Variants in RAD54L2 observed in about 807,000 individuals in gnomAD.
RAD54L2 encodes the protein helicase ARIP4.
RAD54L2 carries 27 observed loss-of-function variants against 138.4 expected under a neutral mutation model. The observed-to-expected ratio is 0.20, with a 90% CI of 0.14 to 0.27. RAD54L2 has a LOEUF of 0.27. Ranked by LOEUF, RAD54L2 falls within the 10% of genes least tolerant of loss-of-function variation. The pLI, the probability that RAD54L2 is intolerant of heterozygous loss-of-function variation, is 1.00. For missense variants in RAD54L2, 1,396 were observed against 1,890.2 expected (o/e 0.74, Z 4.85); for synonymous variants, 644 against 723.2 (o/e 0.89, Z 1.76).
chr3:51,558,592 T>C (rs1699027535), intron 2 of RAD54L2, among the ~76,000 whole-genome samples: 1 of 151,852 alleles, frequency 6.6e-6, no homozygotes, highest in African/African-American at 2.4e-5. Context: ...CACCTTAGCC[T>C]CCCAAGTAGC....
chr3:51,633,991 C>A lies in RAD54L2; in HGVS notation c.1098C>A (p.Val366=). Residue 366 remains valine, a synonymous_variant, in exon 9 of 23, where the codon GTC becomes GTA. Transcript: ENST00000684192. ...ALPADNKPEE[V]QPRFFKVHIL... ...CGGCTGACAACAAGCCTGAAGAAGT[C>A]CAGCCTCGGTTCTTTAAAGTTCACA... 2 of 1,613,954 alleles carry A rather than the reference C, an allele frequency of 1.2e-6. No homozygotes were observed. The highest frequency in any genetic ancestry group is 1.7e-6 in the Non-Finnish European group (2 of 1,179,878).
intron 2 of RAD54L2, among the ~76,000 whole-genome samples, chr3:51,575,337 T>C (rs1278668220): frequency 6.6e-6 from 1 of 152,220 alleles, no homozygotes; most frequent in Admixed American, 6.5e-5. Context: ...GCAGGCTCTT[T>C]TTTGGTTCCA....
At chr3:51,660,964 C>CT (rs1469771838) in intron 22 of RAD54L2, among the ~76,000 whole-genome samples, 3 of 143,760 alleles carry the variant, frequency 2.1e-5, no homozygotes, top group African/African-American at 7.8e-5. Context: ...ATTGCTCCTC[C>CT]TTTTTTTGAG....
intron 3 of RAD54L2, among the ~76,000 whole-genome samples, chr3:51,604,008 GA>G (rs1700128916): frequency 6.6e-6 from 1 of 152,222 alleles, no homozygotes; most frequent in Non-Finnish European, 1.5e-5. Flanking sequence ...AACCAGCTAG[GA>G]AGATAATGCA....
At chr3:51,609,664 C>CT (rs534956565) in intron 3 of RAD54L2, among the ~76,000 whole-genome samples, 1 of 149,728 alleles carries the variant, frequency 6.7e-6, no homozygotes, top group African/African-American at 2.5e-5. Flanking sequence ...TTGTTCAGTC[C>CT]TTTTTTTCTC....
chr3:51,589,440 T>C (rs1287948332), intron 2 of RAD54L2, among the ~76,000 whole-genome samples: 6 of 152,120 alleles, frequency 3.9e-5, no homozygotes, highest in Non-Finnish European at 8.8e-5. Flanking sequence ...AGCACTTACA[T>C]TGTCTACAGT....
chr3:51,647,501 T>G (rs1701311112), intron 19 of RAD54L2, among the ~76,000 whole-genome samples: 1 of 152,076 alleles, frequency 6.6e-6, no homozygotes, highest in Admixed American at 6.6e-5. Flanking sequence ...AACCCCCATC[T>G]CTACTAAAAA....
intron 3 of RAD54L2, among the ~76,000 whole-genome samples, chr3:51,621,757 C>T (rs1249604613): frequency 6.6e-6 from 1 of 152,192 alleles, no homozygotes; most frequent in East Asian, 1.9e-4. Flanking sequence ...ACCAGGAGAG[C>T]ATCAGAGGTC....
chr3:51,580,077 G>A (rs1410635849), intron 2 of RAD54L2, among the ~76,000 whole-genome samples: 2 of 151,860 alleles, frequency 1.3e-5, no homozygotes, highest in Non-Finnish European at 2.9e-5. Context: ...ACAGGCTAAG[G>A]GCTCGGTATT....
intron 2 of RAD54L2, among the ~76,000 whole-genome samples, chr3:51,561,421 T>G (rs1699094603): frequency 1.3e-5 from 2 of 152,192 alleles, no homozygotes; most frequent in South Asian, 4.1e-4. Context: ...AATTTTTGTA[T>G]TTTTAGTAGA....
At chr3:51,546,060 T>G (rs947025195) in intron 2 of RAD54L2, among the ~76,000 whole-genome samples, 5 of 151,192 alleles carry the variant, frequency 3.3e-5, no homozygotes, top group African/African-American at 4.9e-5. Flanking sequence ...TGCCTTAGCT[T>G]CCCAAGTAGC....
chr3:51,543,975 C>G (rs1054197548), intron 2 of RAD54L2, among the ~76,000 whole-genome samples: 1 of 152,120 alleles, frequency 6.6e-6, no homozygotes, highest in Non-Finnish European at 1.5e-5. Flanking sequence ...TCTGTGCAAG[C>G]TTTTATAATC....
At chr3:51,603,193 C>T (rs1223924486) in intron 3 of RAD54L2, among the ~76,000 whole-genome samples, 3 of 150,680 alleles carry the variant, frequency 2.0e-5, no homozygotes, top group Admixed American at 6.6e-5. Flanking sequence ...CCTGTAGTCC[C>T]AGTTGCTTAG....
rs1491310480 is a variant in RAD54L2, at chr3:51,668,084, TGA to T, written c.*4666_*4667del. 1.1e-3 allele frequency: 169 copies of T among 150,372 alleles called. No homozygotes were observed. Among genetic ancestry groups the T allele is most frequent in the South Asian group, 3.9e-3 (19 of 4,814 alleles). The allele number at this position is 150,372 out of a possible 1,614,324, so 9.3% of individuals were successfully genotyped here. A position where few individuals can be genotyped will look rare whatever the true frequency, so the allele number is the denominator to read the frequency against. On this transcript the variant is annotated 3_prime_UTR_variant, in exon 23 of 23. Transcript: ENST00000684192. ...GCCCAGCTGTGTGTGTGTGTGTGTG[TGA>T]GTGTGTGTGTGTGTGTTTGTGTGCT...
intron 14 of RAD54L2, among the ~76,000 whole-genome samples, chr3:51,640,666 A>G (rs1287647603): frequency 6.6e-6 from 1 of 152,236 alleles, no homozygotes; most frequent in Non-Finnish European, 1.5e-5. Flanking sequence ...CAGTGATTTT[A>G]GCTTGGGGAG....
intron 4 of RAD54L2, among the ~76,000 whole-genome samples, chr3:51,629,045 G>C (rs1036724240): frequency 1.2e-4 from 18 of 152,230 alleles, no homozygotes; most frequent in Non-Finnish European, 2.1e-4. Context: ...CTGCTTTTCA[G>C]CTTTGTGAAT....
chr3:51,546,901 C>T (rs887370526), intron 2 of RAD54L2, among the ~76,000 whole-genome samples: 2 of 151,178 alleles, frequency 1.3e-5, no homozygotes, highest in Non-Finnish European at 2.9e-5. Flanking sequence ...TGGTGGTGCA[C>T]GCCTGTAGTC....
At chr3:51,593,258 T>C (rs1577409692) in intron 3 of RAD54L2, among the ~76,000 whole-genome samples, 1 of 152,014 alleles carries the variant, frequency 6.6e-6, no homozygotes, top group South Asian at 2.1e-4. Context: ...CCAACAATTA[T>C]CTGTCCCAAA....
intron 2 of RAD54L2, among the ~76,000 whole-genome samples, chr3:51,555,484 A>G (rs1006074093): frequency 6.6e-6 from 1 of 152,120 alleles, no homozygotes; most frequent in African/African-American, 2.4e-5. Flanking sequence ...ATGGTGGCAC[A>G]CATGTCTACT....
Sources: allele counts gnomAD v4.1 joint callset (sites outside exome capture counted in the v4.1 genomes callset), GRCh38; gene constraint gnomAD v4.1.1; transcripts MANE v1.5; gene names NCBI Gene and HGNC (gene_info 2026-07-23, HGNC 2026-07-21).